MINAR1: variants seen among roughly 807,000 people sequenced by gnomAD.
MINAR1 encodes the protein major intrinsically disordered Notch2-binding receptor 1.
Under a neutral mutation model 65.1 loss-of-function variants are expected in MINAR1, and 40 were observed. That is an observed-to-expected ratio of 0.61 (90% CI 0.48 to 0.80). The LOEUF is 0.80. Among genes scored for constraint, MINAR1 ranks in the 30% least tolerant of loss-of-function variants. The probability of loss-of-function intolerance (pLI) is 0.00; values close to 1 mark genes in which losing one functional copy is unlikely to be tolerated. For missense variants in MINAR1, 1,128 were observed against 1,148.0 expected (o/e 0.98, Z 0.25); for synonymous variants, 482 against 449.1 (o/e 1.07, Z -0.93).
chr15:79,417,778 A>G, the MINAR1 span: 2 of 152,386 alleles, frequency 1.3e-5, no homozygotes, highest in Admixed American at 6.5e-5. Flanking sequence ...AGAGCCATCA[A>G]GAGGCCTGAC....
chr15:79,464,184 TTTCG>T (rs1223711467), intron 3 of MINAR1, among the ~76,000 whole-genome samples: 2 of 152,226 alleles, frequency 1.3e-5, no homozygotes, highest in African/African-American at 4.8e-5. Context: ...TCCAGGACTC[TTTCG>T]CTGTGTGACC....
chr15:79,449,945 G>C (rs1168692544), intron 1 of MINAR1, among the ~76,000 whole-genome samples: 1 of 152,070 alleles, frequency 6.6e-6, no homozygotes, highest in African/African-American at 2.4e-5. Context: ...AGTCTTTGCG[G>C]CCACTGCAGA....
intron 1 of MINAR1, among the ~76,000 whole-genome samples, chr15:79,434,067 ATAAAG>A (rs1894528766): frequency 6.7e-6 from 1 of 150,254 alleles, no homozygotes; most frequent in African/African-American, 2.4e-5. Flanking sequence ...TGTCTGATAA[ATAAAG>A]TCTGATTTTT....
chr15:79,469,908 A>G lies in MINAR1; in HGVS notation c.*1524A>G, dbSNP rs1896015629. 1 of 152,668 alleles carries G rather than the reference A, an allele frequency of 6.6e-6. No individual in the cohort carries two copies. The highest frequency in any genetic ancestry group is 6.5e-5 in the Admixed American group (1 of 15,286). 9.5% of individuals were successfully genotyped at this position (152,668 alleles called of 1,614,324 possible). On this transcript the variant is annotated 3_prime_UTR_variant, in exon 4 of 4. Transcript: ENST00000305428. Reference sequence around the variant, plus strand: ...GATTTGAGAGCATCTCAATTTTTAAAGCAATAGGAGTCTAGCATCCATTCT... The same window carrying G: ...GATTTGAGAGCATCTCAATTTTTAAGGCAATAGGAGTCTAGCATCCATTCT...
At chr15:79,429,183 C>T (rs1894384835), upstream of MINAR1, among the ~76,000 whole-genome samples, 1 of 152,164 alleles carries the variant, frequency 6.6e-6, no homozygotes, top group Non-Finnish European at 1.5e-5. Context: ...GACTATGTTT[C>T]ATTGAATAGG....
intron 1 of MINAR1, among the ~76,000 whole-genome samples, chr15:79,433,110 G>T (rs1308149503): frequency 6.6e-6 from 1 of 152,198 alleles, no homozygotes; most frequent in African/African-American, 2.4e-5. Flanking sequence ...AGCTGGGCCT[G>T]GCCCGCGGGG....
chr15:79,456,290 G>A lies in MINAR1; in HGVS notation c.143G>A (p.Ser48Asn), dbSNP rs1595945886. The A allele has an allele frequency of 1.9e-6, 3 of 1,614,168 alleles. No homozygotes were observed. The highest frequency in any genetic ancestry group is 2.5e-6 in the Non-Finnish European group (3 of 1,180,044). Residue 48 changes from serine to asparagine, a missense_variant, in exon 2 of 4, where the codon AGT (serine) becomes AAT (asparagine). Transcript: ENST00000305428. ...FDLSQLAKLRSVLFYTACLDP... is the reference protein window; with the variant it reads ...FDLSQLAKLRNVLFYTACLDP... ...CTGTCGCAGCTTGCCAAACTGAGAA[G>A]TGTGCTCTTCTACACAGCTTGTCTC... is the stretch of plus-strand genomic sequence containing the variant.
chr15:79,435,734 G>C (rs568887720), intron 1 of MINAR1, among the ~76,000 whole-genome samples: 1 of 152,210 alleles, frequency 6.6e-6, no homozygotes, highest in African/African-American at 2.4e-5. Flanking sequence ...TAGGAGAGCA[G>C]GGACTTTGAT....
chr15:79,445,795 G>A (rs924376126), intron 1 of MINAR1, among the ~76,000 whole-genome samples: 12 of 152,246 alleles, frequency 7.9e-5, no homozygotes, highest in African/African-American at 2.4e-4. Flanking sequence ...TGATCCACCC[G>A]CCTTGGCCTC....
At chr15:79,434,395 A>C (rs2141273467) in intron 1 of MINAR1, among the ~76,000 whole-genome samples, 1 of 152,312 alleles carries the variant, frequency 6.6e-6, no homozygotes, top group African/African-American at 2.4e-5. Flanking sequence ...TGCTCCTGTG[A>C]GGTTGAAATA....
At chr15:79,427,235 A>G in the MINAR1 span, 1 of 152,200 alleles carries the variant, frequency 6.6e-6, no homozygotes, top group South Asian at 2.1e-4. Flanking sequence ...ATGGACACGA[A>G]GAAGGGAACA....
intron 1 of MINAR1, among the ~76,000 whole-genome samples, chr15:79,448,675 G>T (rs1489608595): frequency 2.0e-5 from 3 of 152,200 alleles, no homozygotes; most frequent in African/African-American, 7.2e-5. Flanking sequence ...AATATATTTT[G>T]GCGTATTGGA....
At chr15:79,446,586 T>C (rs1240739130) in intron 1 of MINAR1, among the ~76,000 whole-genome samples, 1 of 152,144 alleles carries the variant, frequency 6.6e-6, no homozygotes, top group Admixed American at 6.5e-5. Context: ...CTATTTTAGG[T>C]AATTCAATTT....
upstream of MINAR1, among the ~76,000 whole-genome samples, chr15:79,428,393 CCT>C (rs1463818423): frequency 8.0e-6 from 1 of 124,968 alleles, no homozygotes; most frequent in Non-Finnish European, 1.7e-5. Flanking sequence ...CCCTCCTCTC[CCT>C]CTCTCCCTCC....
At chr15:79,426,737 C>G in the MINAR1 span, 1 of 152,296 alleles carries the variant, frequency 6.6e-6, no homozygotes, top group South Asian at 2.1e-4. Flanking sequence ...CAAGGAAGCT[C>G]CTAGACAGCA....
rs1459255347 is a variant in MINAR1, at chr15:79,471,092, C to G, written c.*2708C>G. 6.6e-6 allele frequency: 1 copy of G among 152,158 alleles called. No individual in the cohort carries two copies. The highest frequency in any genetic ancestry group is 3.2e-3 in the Middle Eastern group (1 of 316). 9.4% of individuals were successfully genotyped at this position (152,158 alleles called of 1,614,324 possible). Reference sequence around the variant, plus strand: ...GGCTAGGAGGGAAACATCTATCCATCTCTCTAATCTTTGCCCATCACCTCC... The same window carrying G: ...GGCTAGGAGGGAAACATCTATCCATGTCTCTAATCTTTGCCCATCACCTCC... On this transcript the variant is annotated 3_prime_UTR_variant, in exon 4 of 4. Coordinates refer to ENST00000305428, the MANE Select transcript of MINAR1 (RefSeq NM_015206.3).
chr15:79,424,698 G>C, the MINAR1 span: 8 of 152,204 alleles, frequency 5.3e-5, no homozygotes, highest in Admixed American at 5.2e-4. Flanking sequence ...GAAAATGAAA[G>C]AGATTCATGC....
chr15:79,461,417 T>A (rs1217194476), intron 2 of MINAR1, among the ~76,000 whole-genome samples: 1 of 152,240 alleles, frequency 6.6e-6, no homozygotes, highest in Non-Finnish European at 1.5e-5. Context: ...ATTGCAATTA[T>A]GCCTGCAGTG....
Position 79,463,166 on chromosome 15 carries a change from G to A in MINAR1, c.2398G>A (p.Ala800Thr), listed in dbSNP as rs1434845436. The A allele has an allele frequency of 6.2e-7, 1 of 1,614,212 alleles. No homozygotes were observed. The highest frequency in any genetic ancestry group is 8.5e-7 in the Non-Finnish European group (1 of 1,180,042). Residue 800 changes from alanine to threonine, a missense_variant, in exon 3 of 4, where the codon GCC (alanine) becomes ACC (threonine). By Grantham distance (58) the Ala-to-Thr change is moderately conservative. Transcript: ENST00000305428. ...EQVFSPHPYPASLKAHMKSNP... is the reference protein window; with the variant it reads ...EQVFSPHPYPTSLKAHMKSNP... Reference sequence around the variant, plus strand: ...GGTGTTCAGCCCTCACCCCTACCCTGCCTCCCTCAAGGCCCACATGAAGAG... The same window carrying A: ...GGTGTTCAGCCCTCACCCCTACCCTACCTCCCTCAAGGCCCACATGAAGAG...
Sources: gnomAD v4.1 joint callset for allele counts (sites outside exome capture counted in the v4.1 genomes callset) on GRCh38, gnomAD v4.1.1 for gene constraint, MANE v1.5 for transcripts, NCBI Gene and HGNC (gene_info 2026-07-23, HGNC 2026-07-21) for gene names.